RANBP17: variants seen among roughly 807,000 people sequenced by gnomAD.
The protein encoded by RANBP17 is ran-binding protein 17.
Under a neutral mutation model 141.2 loss-of-function variants are expected in RANBP17, and 158 were observed. The ratio of observed to expected loss-of-function variants is 1.12; its 90% CI spans 0.98 to 1.28. The LOEUF (loss-of-function observed/expected upper bound fraction) is 1.28, where lower values mean the gene tolerates loss of function less well. RANBP17 is among the 50% of genes most tolerant of loss of function. The pLI is 0.00. For synonymous variants in RANBP17, 430 were observed against 450.0 expected (o/e 0.96, Z 0.56); for missense variants, 1,438 against 1,290.7 (o/e 1.11, Z -1.75).
chr5:171,195,116 T>C (rs187152716), intron 18 of RANBP17, among the ~76,000 whole-genome samples: 5 of 152,336 alleles, frequency 3.3e-5, no homozygotes, highest in Admixed American at 3.3e-4. Flanking sequence ...ACATTTACTT[T>C]TCCTGATGGC....
chr5:171,122,717 T>C (rs562614123), intron 14 of RANBP17, among the ~76,000 whole-genome samples: 15 of 152,338 alleles, frequency 9.8e-5, no homozygotes, highest in Admixed American at 8.5e-4. Flanking sequence ...TATAGGAAGC[T>C]ACTTGTAGTC....
At chr5:171,106,774 A>G (rs1011588479) in intron 14 of RANBP17, among the ~76,000 whole-genome samples, 4 of 152,178 alleles carry the variant, frequency 2.6e-5, no homozygotes, top group Admixed American at 2.0e-4. Context: ...AAATGTCCCA[A>G]TGGAAATTTT....
rs1200180388 is a variant in RANBP17 at position 171,181,717 on chromosome 5, AT to A, written c.1866-1442del. Among the ~76,000 whole-genome samples, 4 of 152,236 alleles carry A rather than the reference AT, an allele frequency of 2.6e-5. No individual in the cohort carries two copies. The East Asian group carries it at 5.8e-4, about 22-fold the overall frequency. The stretch of plus-strand genomic sequence containing the variant: ...TGTTTATCTTTTGAAAAATTATTTA[AT>A]TTTTTTTAGTTTATTTCCTTACCTG... On this transcript the variant is annotated intron_variant, in intron 16 of 27. Transcript: ENST00000523189.
At chr5:171,070,033 C>T (rs1003530019) in intron 14 of RANBP17, among the ~76,000 whole-genome samples, 1 of 152,100 alleles carries the variant, frequency 6.6e-6, no homozygotes, top group African/African-American at 2.4e-5. Context: ...TAACTCAGTA[C>T]ACAAAATTTC....
intron 12 of RANBP17, among the ~76,000 whole-genome samples, chr5:170,933,978 T>C (rs1342005500): frequency 1.3e-5 from 2 of 152,170 alleles, no homozygotes; most frequent in African/African-American, 4.8e-5. Context: ...TTGTTAACTT[T>C]CTGTCTCGTT....
intron 14 of RANBP17, among the ~76,000 whole-genome samples, chr5:171,066,380 C>G (rs571239077): frequency 6.6e-6 from 1 of 152,246 alleles, no homozygotes; most frequent in Admixed American, 6.5e-5. Context: ...ATGAGGAGTT[C>G]AGGTTTTTTT....
At chr5:170,885,094 AG>A (rs2127367183) in intron 3 of RANBP17, among the ~76,000 whole-genome samples, 1 of 152,254 alleles carries the variant, frequency 6.6e-6, no homozygotes, top group African/African-American at 2.4e-5. Flanking sequence ...AAGGCTTTTT[AG>A]TAGCAGACTT....
intron 25 of RANBP17, among the ~76,000 whole-genome samples, chr5:171,291,847 C>A (rs17680536): frequency 0.12 from 17,633 of 152,152 alleles, 1,115 homozygotes; most frequent in East Asian, 0.2. Context: ...CATTTTAGCA[C>A]AGTTTATTTT....
At chr5:171,062,036 T>G (rs1470899846) in intron 14 of RANBP17, among the ~76,000 whole-genome samples, 2 of 151,726 alleles carry the variant, frequency 1.3e-5, no homozygotes, top group Admixed American at 6.6e-5. Context: ...ATCCTTTTAT[T>G]TTGAGCCTAT....
chr5:171,058,245 T>C (rs939535720), intron 14 of RANBP17, among the ~76,000 whole-genome samples: 1 of 151,708 alleles, frequency 6.6e-6, no homozygotes, highest in Non-Finnish European at 1.5e-5. Flanking sequence ...TATGCCATGC[T>C]GGTGTGCTGC....
At chr5:171,017,091 C>T (rs1468014499) in intron 14 of RANBP17, among the ~76,000 whole-genome samples, 1 of 152,046 alleles carries the variant, frequency 6.6e-6, no homozygotes, top group Non-Finnish European at 1.5e-5. Context: ...TATCTCATTC[C>T]TTATTATGTC....
chr5:170,895,680 T>A (rs1164356180), intron 4 of RANBP17, among the ~76,000 whole-genome samples: 1 of 152,184 alleles, frequency 6.6e-6, no homozygotes, highest in African/African-American at 2.4e-5. Flanking sequence ...GCTAAAAGCA[T>A]TTTTTGCTTA....
chr5:171,061,812 G>T (rs1307895467), intron 14 of RANBP17, among the ~76,000 whole-genome samples: 1 of 152,134 alleles, frequency 6.6e-6, no homozygotes, highest in Non-Finnish European at 1.5e-5. Flanking sequence ...CTCTTTGTAG[G>T]TCACTCAGGA....
intron 23 of RANBP17, among the ~76,000 whole-genome samples, 186 bp from the exon 24 acceptor site, chr5:171,242,496 C>G (rs376488728): frequency 6.6e-6 from 1 of 152,174 alleles, no homozygotes; most frequent in Non-Finnish European, 1.5e-5. Context: ...AGAGATCAAG[C>G]GATTCCTATC....
chr5:170,929,385 G>A (rs1043896451), intron 12 of RANBP17, among the ~76,000 whole-genome samples: 4 of 152,132 alleles, frequency 2.6e-5, no homozygotes, highest in African/African-American at 9.7e-5. Context: ...ACGTTCATGA[G>A]TTTGAGGAAG....
At chr5:171,066,817 A>T (rs1022295827) in intron 14 of RANBP17, among the ~76,000 whole-genome samples, 2 of 152,118 alleles carry the variant, frequency 1.3e-5, no homozygotes, top group African/African-American at 4.8e-5. Context: ...GATCTTTTTT[A>T]AAAAAAGTTC....
chr5:171,150,105 TACTGTCAGCCATTTTGG>T (rs1033099401), intron 14 of RANBP17, among the ~76,000 whole-genome samples: 39 of 152,256 alleles, frequency 2.6e-4, no homozygotes, highest in African/African-American at 9.2e-4. Context: ...TCTGTTTACC[TACTGTCAGCCATTTTGG>T]AGTTGTTAAA....
chr5:171,277,637 G>GTGTATATATATATATATA (rs1437482589), intron 25 of RANBP17, among the ~76,000 whole-genome samples: 5,010 of 56,600 alleles, frequency 0.089, 1,261 homozygotes, highest in South Asian at 0.1. Context: ...ATATATGTAT[G>GTGTATATATATATATATA]TATATATATA....
chr5:170,898,026 A>G (rs1159707531), intron 5 of RANBP17, among the ~76,000 whole-genome samples: 1 of 152,198 alleles, frequency 6.6e-6, no homozygotes, highest in African/African-American at 2.4e-5. Flanking sequence ...ACTCCCATCA[A>G]CAATGTAAAA....
Sources: allele counts gnomAD v4.1 joint callset (sites outside exome capture counted in the v4.1 genomes callset), GRCh38; gene constraint gnomAD v4.1.1; transcripts MANE v1.5; gene names NCBI Gene and HGNC (gene_info 2026-07-23, HGNC 2026-07-21).